The following CACNA1E variants were observed in gnomAD, a reference collection of about 807,000 sequenced individuals.
The protein encoded by CACNA1E is calcium voltage-gated channel subunit alpha1 E, also known as voltage-dependent R-type calcium channel subunit alpha-1E.
CACNA1E carries 40 observed loss-of-function variants against 259.2 expected under a neutral mutation model. The observed-to-expected ratio is 0.15, with a 90% confidence interval of 0.12 to 0.20. The LOEUF is 0.20. CACNA1E is among the 10% of genes least tolerant of loss of function. The pLI, the probability that CACNA1E is intolerant of heterozygous loss-of-function variation, is 1.00. For missense variants in CACNA1E, 1,874 were observed against 3,040.1 expected, an observed-to-expected ratio of 0.62 and a Z score of 9.02; for synonymous variants, 1,104 against 1,138.5, an observed-to-expected ratio of 0.97 and a Z score of 0.61.
intron 6 of CACNA1E, among the ~76,000 whole-genome samples, chr1:181,627,366 C>G (rs536200965): frequency 1.1e-4 from 16 of 152,206 alleles, no homozygotes; most frequent in African/African-American, 3.9e-4. Flanking sequence ...GAAAATGGGG[C>G]ATCTTGGGAA....
chr1:181,754,810 T>C (rs1053605657), intron 27 of CACNA1E, among the ~76,000 whole-genome samples: 1 of 152,232 alleles, frequency 6.6e-6, no homozygotes, highest in Admixed American at 6.5e-5. Flanking sequence ...ATAATCAGTA[T>C]ATAAATCGAA....
intron 1 of CACNA1E, among the ~76,000 whole-genome samples, chr1:181,348,938 C>T (rs957721791): frequency 6.6e-6 from 1 of 152,154 alleles, no homozygotes; most frequent in Non-Finnish European, 1.5e-5. Context: ...GTGGTAGGGG[C>T]AGGACTGGAA....
At chr1:181,782,865 G>A (rs1167959051) in intron 39 of CACNA1E, among the ~76,000 whole-genome samples, 1 of 152,204 alleles carries the variant, frequency 6.6e-6, no homozygotes, top group Non-Finnish European at 1.5e-5. Context: ...GAAGCTTGGT[G>A]GGAGAAGGGG....
chr1:181,325,778 G>A (rs1650732945), intron 1 of CACNA1E, among the ~76,000 whole-genome samples: 1 of 152,094 alleles, frequency 6.6e-6, no homozygotes, highest in Admixed American at 6.5e-5. Context: ...CTGTCCATCC[G>A]GAATTAAATC....
chr1:181,546,701 C>T (rs973026254), intron 3 of CACNA1E, among the ~76,000 whole-genome samples: 2 of 152,160 alleles, frequency 1.3e-5, no homozygotes, highest in Non-Finnish European at 2.9e-5. Context: ...ACAAAAAAGC[C>T]GTGCAGACAG....
At chr1:181,636,179 A>G (rs1399121983) in intron 6 of CACNA1E, among the ~76,000 whole-genome samples, 1 of 152,188 alleles carries the variant, frequency 6.6e-6, no homozygotes, top group African/African-American at 2.4e-5. Context: ...AGCATTTACT[A>G]TGTTTCAGAT....
chr1:181,409,545 C>T (rs984005507), intron 1 of CACNA1E, among the ~76,000 whole-genome samples: 10 of 152,154 alleles, frequency 6.6e-5, no homozygotes, highest in Non-Finnish European at 1.0e-4. Context: ...GAAAGAAGAA[C>T]AAGACAAAAT....
At chr1:181,488,531 G>A (rs1215333809) in intron 1 of CACNA1E, among the ~76,000 whole-genome samples, 2 of 152,218 alleles carry the variant, frequency 1.3e-5, no homozygotes, top group Admixed American at 1.3e-4. Context: ...GATATGAAGT[G>A]TGGGTAATGT....
chr1:181,331,128 G>T (rs1041371765), intron 1 of CACNA1E, among the ~76,000 whole-genome samples: 2 of 152,198 alleles, frequency 1.3e-5, no homozygotes, highest in African/African-American at 4.8e-5. Flanking sequence ...AGACGGTGCA[G>T]ATTGCCTTGG....
intron 1 of CACNA1E, among the ~76,000 whole-genome samples, chr1:181,395,899 T>C (rs1211811489): frequency 1.3e-5 from 2 of 152,230 alleles, no homozygotes; most frequent in African/African-American, 4.8e-5. Context: ...GTGTAACAAA[T>C]CACTCAAAAA....
intron 42 of CACNA1E, 131 bp from the exon 43 acceptor site, chr1:181,785,582 G>A (rs1660783557): frequency 1.1e-6 from 1 of 872,652 alleles, no homozygotes; most frequent in Non-Finnish European, 1.9e-6. Flanking sequence ...GAAACCCAGT[G>A]GATCGAAGGT....
chr1:181,520,991 C>T (rs1572090489), intron 3 of CACNA1E, among the ~76,000 whole-genome samples: 2 of 152,296 alleles, frequency 1.3e-5, no homozygotes, highest in African/African-American at 4.8e-5. Flanking sequence ...CAGGCAGAGC[C>T]CTTGCACAAA....
At chr1:181,369,318 T>A (rs1245594478) in intron 1 of CACNA1E, among the ~76,000 whole-genome samples, 1 of 152,214 alleles carries the variant, frequency 6.6e-6, no homozygotes, top group Admixed American at 6.5e-5. Context: ...AATGGCCGCA[T>A]CTTCGGGCTC....
chr1:181,732,330 C>G lies in CACNA1E; in HGVS notation c.2298-54C>G. The G allele has an allele frequency of 6.8e-7, 1 of 1,462,420 alleles. No homozygotes were observed. 90.6% of individuals were successfully genotyped at this position (1,462,420 alleles called of 1,614,324 possible). A position where few individuals can be genotyped will look rare whatever the true frequency, so the allele number is the denominator to read the frequency against. On this transcript the variant is annotated intron_variant, in intron 19 of 47. Coordinates refer to ENST00000367573, the MANE Select transcript of CACNA1E (RefSeq NM_001205293.3). The surrounding 1 kb of genome is among the most constrained non-coding windows in gnomAD (Gnocchi z 5.5). The stretch of plus-strand genomic sequence containing the variant: ...CTCACATGGCCCCTGTGGCCACCCT[C>G]CCTGCCTGCAGCTTCTGGGCTCTGA...
chr1:181,582,479 T>A (rs3856091), intron 6 of CACNA1E, among the ~76,000 whole-genome samples: 57,033 of 152,124 alleles, frequency 0.37, 13,239 homozygotes, highest in East Asian at 0.66. Context: ...ATTTCAATTA[T>A]ATGTGTAGAC....
At chr1:181,373,576 C>T (rs1391308055) in intron 1 of CACNA1E, among the ~76,000 whole-genome samples, 2 of 136,246 alleles carry the variant, frequency 1.5e-5, no homozygotes, top group Non-Finnish European at 3.0e-5. Flanking sequence ...CTCGCTCTGT[C>T]GCCCAGGCTG....
chr1:181,513,844 C>T (rs980041065), intron 3 of CACNA1E, among the ~76,000 whole-genome samples: 3 of 152,200 alleles, frequency 2.0e-5, no homozygotes, highest in African/African-American at 7.2e-5. Context: ...CAGTTGTCCT[C>T]TCTGTGCTCT....
chr1:181,602,327 G>T (rs993833832), intron 6 of CACNA1E, among the ~76,000 whole-genome samples: 1 of 152,180 alleles, frequency 6.6e-6, no homozygotes, highest in African/African-American at 2.4e-5. Context: ...CATTGGAAAT[G>T]CTTGGGACAA....
At chr1:181,341,398 G>A (rs1268927487) in intron 1 of CACNA1E, among the ~76,000 whole-genome samples, 2 of 152,216 alleles carry the variant, frequency 1.3e-5, no homozygotes, top group Admixed American at 1.3e-4. Context: ...GTCTCATGCT[G>A]CTGCCTTGAT....
Sources: allele counts gnomAD v4.1 joint callset (sites outside exome capture counted in the v4.1 genomes callset), GRCh38; gene constraint gnomAD v4.1.1; non-coding constraint Gnocchi (gnomAD v3.1); transcripts MANE v1.5; gene names NCBI Gene and HGNC (gene_info 2026-07-23, HGNC 2026-07-21).